The following CALHM1 variants were observed in gnomAD, a reference collection of about 807,000 sequenced individuals.
CALHM1 encodes calcium homeostasis modulator 1.
A neutral mutation model predicts 14.8 loss-of-function variants in CALHM1; 11 were observed. That is an observed-to-expected ratio of 0.74 (90% CI 0.47 to 1.23). The LOEUF (loss-of-function observed/expected upper bound fraction) is 1.23, where lower values mean the gene tolerates loss of function less well. Ranked by LOEUF, CALHM1 falls within the 50% of genes most tolerant of loss-of-function variation. CALHM1 has a pLI of 0.00. For missense variants in CALHM1, 458 were observed against 496.4 expected, an observed-to-expected ratio of 0.92 and a Z score of 0.74; for synonymous variants, 215 against 218.9, an observed-to-expected ratio of 0.98 and a Z score of 0.16.
Position 103,458,729 on chromosome 10 carries a change from A to T in CALHM1, c.23T>A (p.Ile8Asn), listed in dbSNP as rs1011687286. 2 of 1,612,528 alleles carry T rather than the reference A, an allele frequency of 1.2e-6. No individual in the cohort carries two copies. Among genetic ancestry groups the T allele is most frequent in the African/African-American group, 1.3e-5 (1 of 74,910 alleles). ...CTGGTTGGACTGCAGGAACTGGAAG[A>T]TCATCCGGAACTTGTCCATCATGCC... is the stretch of plus-strand genomic sequence containing the variant. MMDKFRM[I>N]FQFLQSNQES... Residue 8 changes from isoleucine to asparagine, a missense_variant, in exon 1 of 2, where the codon ATC becomes AAC. Ile to Asn is a moderately radical substitution (Grantham distance 149). Transcript: ENST00000329905. The surrounding 1 kb of genome is among the most constrained non-coding windows in gnomAD (Gnocchi z 4.9).
intron 1 of CALHM1, 117 bp from the exon 2 acceptor site, chr10:103,455,864 G>GC: frequency 7.6e-7 from 1 of 1,307,848 alleles, no homozygotes; most frequent in Non-Finnish European, 1.0e-6. Context: ...AATTGGGCAA[G>GC]TGAGCTTGCC....
Position 103,455,207 on chromosome 10 carries a change from G to C in CALHM1, c.*55C>G. 1 of 1,506,572 alleles carries C rather than the reference G, an allele frequency of 6.6e-7. No homozygotes were observed. The highest frequency in any genetic ancestry group is 8.9e-7 in the Non-Finnish European group (1 of 1,125,638). The allele number at this position is 1,506,572 out of a possible 1,614,324, so 93.3% of individuals were successfully genotyped here. Reference sequence around the variant, plus strand: ...CTTCCTTTTTCCACCTGGTTTGGGGGTTGGAGGGGCTGTGGGCTCAGATCC... The same window carrying C: ...CTTCCTTTTTCCACCTGGTTTGGGGCTTGGAGGGGCTGTGGGCTCAGATCC... On this transcript the variant is annotated 3_prime_UTR_variant, in exon 2 of 2. Transcript: ENST00000329905.
At position 103,453,892 on chromosome 10, in the gene CALHM1, G is replaced by A. The variant is rs1338649346; in HGVS notation, c.*1370C>T. 1.3e-5 allele frequency: 2 copies of A among 152,154 alleles called. No homozygotes were observed. The highest frequency in any genetic ancestry group is 4.8e-5 in the African/African-American group (2 of 41,408). The allele number at this position is 152,154 out of a possible 1,614,324, so 9.4% of individuals were successfully genotyped here. A position where few individuals can be genotyped will look rare whatever the true frequency, so the allele number is the denominator to read the frequency against. ...ACTCCTCCCAAATAATTAAGAGGAG[G>A]GAAACTGGACCCCAGAAGTGGGAAT... On this transcript the variant is annotated 3_prime_UTR_variant, in exon 2 of 2. Transcript: ENST00000329905.
chr10:103,455,654 T>C lies in CALHM1; in HGVS notation c.649A>G (p.Ser217Gly). ...TCGATATAGTGGGACCAGTACTTGC[T>C]CTTGAGGAAGGCGGCCTGCGTGAAG... ...PCFTQAAFLK[S>G]KYWSHYIDIE... The change falls in exon 2 of 2, where the codon AGC (serine) becomes GGC (glycine). Residue 217 changes from serine to glycine, a missense_variant. Coordinates refer to ENST00000329905, the MANE Select transcript of CALHM1 (RefSeq NM_001001412.4). 6.2e-7 allele frequency: 1 copy of C among 1,613,640 alleles called. No homozygotes were observed. Among genetic ancestry groups the C allele is most frequent in the Non-Finnish European group, 8.5e-7 (1 of 1,180,040 alleles).
Position 103,458,598 on chromosome 10 carries a change from A to G in CALHM1, c.154T>C (p.Tyr52His), listed in dbSNP as rs1317066669. 2 of 1,613,956 alleles carry G rather than the reference A, an allele frequency of 1.2e-6. No individual in the cohort carries two copies. Among genetic ancestry groups the G allele is most frequent in the Non-Finnish European group, 1.7e-6 (2 of 1,180,030 alleles). The change falls in exon 1 of 2, where the codon TAC (tyrosine) becomes CAC (histidine). Residue 52 changes from tyrosine to histidine, a missense_variant. Tyr to His is a moderately conservative substitution (Grantham distance 83). Coordinates refer to ENST00000329905, the MANE Select transcript of CALHM1 (RefSeq NM_001001412.4). The surrounding 1 kb of genome is among the most constrained non-coding windows in gnomAD (Gnocchi z 4.9). Reference protein sequence around the residue: ...CPCLPGYNAAYSAGILLAPPL... With the variant: ...CPCLPGYNAAHSAGILLAPPL... ...GGCGCCAGCAGGATGCCCGCGCTGTAGGCTGCATTGTAGCCCGGCAGGCAG... is the reference window on the plus strand; with the variant it reads ...GGCGCCAGCAGGATGCCCGCGCTGTGGGCTGCATTGTAGCCCGGCAGGCAG...
rs1423769322 is a variant in CALHM1 at position 103,455,119 on chromosome 10, A to G, written c.*143T>C. 9.6e-6 allele frequency: 12 copies of G among 1,253,274 alleles called. No homozygotes were observed. Among genetic ancestry groups the G allele is most frequent in the African/African-American group, 6.1e-5 (4 of 65,972 alleles). 77.6% of individuals were successfully genotyped at this position (1,253,274 alleles called of 1,614,324 possible). ...TCCAGCTCCAAATTTCCTGCCTCCA[A>G]TGGGCAGGCGAGTGCTAGGGAGTGT... On this transcript the variant is annotated 3_prime_UTR_variant, in exon 2 of 2. Transcript: ENST00000329905.
In CALHM1 at chr10:103,458,575, C is replaced by G; in HGVS notation, c.177G>C (p.Ala59=). ...NAAYSAGILL[A]PPLVLFLLGL... ...CAAGCAGAAAGAGCACCAGGGGTGG[C>G]GCCAGCAGGATGCCCGCGCTGTAGG... The change falls in exon 1 of 2, where the codon GCG becomes GCC. Residue 59 remains alanine (A), a synonymous_variant. Coordinates refer to ENST00000329905, the MANE Select transcript of CALHM1 (RefSeq NM_001001412.4). The surrounding 1 kb of genome is among the most constrained non-coding windows in gnomAD (Gnocchi z 4.9). The G allele has an allele frequency of 7.4e-6, 12 of 1,613,866 alleles. No individual in the cohort carries two copies. Among genetic ancestry groups the G allele is most frequent in the Non-Finnish European group, 1.0e-5 (12 of 1,180,040 alleles).
chr10:103,457,933 G>A (rs1317345633), intron 1 of CALHM1, among the ~76,000 whole-genome samples: 1 of 152,210 alleles, frequency 6.6e-6, no homozygotes, highest in Non-Finnish European at 1.5e-5. Flanking sequence ...GGGGATGCAG[G>A]TCCACTCTGG....
chr10:103,458,117 G>A lies in CALHM1; in HGVS notation c.555+80C>T. The A allele has an allele frequency of 6.6e-7, 1 of 1,505,318 alleles. No homozygotes were observed. Among genetic ancestry groups the A allele is most frequent in the Non-Finnish European group, 9.0e-7 (1 of 1,105,796 alleles). The allele number at this position is 1,505,318 out of a possible 1,614,324, so 93.2% of individuals were successfully genotyped here. On this transcript the variant is annotated intron_variant, in intron 1 of 1. Transcript: ENST00000329905. The surrounding 1 kb of genome is among the most constrained non-coding windows in gnomAD (Gnocchi z 4.9). ...TCCACCTGAGCAGAGGCCCCATTTT[G>A]AGAGGTAGGGGGATAGGGCCCTCCC...
intron 1 of CALHM1, among the ~76,000 whole-genome samples, chr10:103,456,511 A>G (rs545527276): frequency 6.6e-6 from 1 of 152,366 alleles, no homozygotes; most frequent in African/African-American, 2.4e-5. Flanking sequence ...GGCACGGGGC[A>G]GGATGCTCCC....
At chr10:103,457,519 C>T (rs2033164351) in intron 1 of CALHM1, among the ~76,000 whole-genome samples, 2 of 152,240 alleles carry the variant, frequency 1.3e-5, no homozygotes, top group African/African-American at 2.4e-5. Context: ...GCCCTGACAG[C>T]ACCTGGTCTG....
In CALHM1 at chr10:103,458,412, A is replaced by G. The variant is rs1220116119; in HGVS notation, c.340T>C (p.Trp114Arg). 3.7e-6 allele frequency: 6 copies of G among 1,609,056 alleles called. No homozygotes were observed. The highest frequency in any genetic ancestry group is 2.7e-5 in the African/African-American group (2 of 74,836). Residue 114 changes from tryptophan to arginine, a missense_variant, in exon 1 of 2, where the codon TGG becomes CGG. Trp to Arg is a moderately radical substitution (Grantham distance 101). Coordinates refer to ENST00000329905, the MANE Select transcript of CALHM1 (RefSeq NM_001001412.4). This position sits in a 1 kb window ranked among gnomAD's most constrained non-coding sequence, Gnocchi z 4.9. ...CCGTCGAGTAGCGTGACGGCCACCC[A>G]GACGACAGGCGCGATGAGGGCGCGC... Reference protein sequence around the residue: ...AQRALIAPVVWVAVTLLDGKC... With the variant: ...AQRALIAPVVRVAVTLLDGKC...
chr10:103,453,791 G>GA lies in CALHM1; in HGVS notation c.*1470dup, dbSNP rs377018886. On this transcript the variant is annotated 3_prime_UTR_variant, in exon 2 of 2. Transcript: ENST00000329905. ...TTTTTTGCTCATCCTAATCCTCCCT[G>GA]ACTTCAGGGCCCATACCAACTCCTA... The GA allele has an allele frequency of 1.1e-4, 17 of 152,114 alleles. No homozygotes were observed. Among genetic ancestry groups the GA allele is most frequent in the African/African-American group, 4.1e-4 (17 of 41,400 alleles). The allele number at this position is 152,114 out of a possible 1,614,324, so 9.4% of individuals were successfully genotyped here.
chr10:103,457,274 G>A (rs989080487), intron 1 of CALHM1, among the ~76,000 whole-genome samples: 6 of 152,236 alleles, frequency 3.9e-5, no homozygotes, highest in South Asian at 4.1e-4. Flanking sequence ...CCCTGAGGCC[G>A]GGGACGATGG....
chr10:103,455,011 C>T lies in CALHM1; in HGVS notation c.*251G>A, dbSNP rs974870801. On this transcript the variant is annotated 3_prime_UTR_variant, in exon 2 of 2. Transcript: ENST00000329905. ...CCTGTACCTGCCATGACAGTTCCGA[C>T]CCCTTTAGACTAATACTGCTCATGG... 2 of 559,832 alleles carry T rather than the reference C, an allele frequency of 3.6e-6. No individual in the cohort carries two copies. The highest frequency in any genetic ancestry group is 3.8e-5 in the African/African-American group (2 of 53,192). 34.7% of individuals were successfully genotyped at this position (559,832 alleles called of 1,614,324 possible). A position where few individuals can be genotyped will look rare whatever the true frequency, so the allele number is the denominator to read the frequency against.
rs2033134646 is a variant in CALHM1, at chr10:103,455,448, C to T, written c.855G>A (p.Glu285=). The change falls in exon 2 of 2, where the codon GAG becomes GAA. Residue 285 remains glutamate, a synonymous_variant. Transcript: ENST00000329905. ...AAPTTPDGAE[E]EREKLRGITD... ...TGATGCCACGCAGCTTCTCCCTTTC[C>T]TCCTCCGCACCATCGGGGGTCGTGG... The T allele has an allele frequency of 1.9e-6, 3 of 1,613,964 alleles. No homozygotes were observed. Among genetic ancestry groups the T allele is most frequent in the East Asian group, 2.2e-5 (1 of 44,884 alleles).
Position 103,455,314 on chromosome 10 carries a change from C to A in CALHM1, c.989G>T (p.Gly330Val), listed in dbSNP as rs114015468. The change falls in exon 2 of 2, where the codon GGT (glycine) becomes GTT (valine). Residue 330 changes from glycine to valine, a missense_variant. Gly to Val is a moderately radical substitution (Grantham distance 109). Coordinates refer to ENST00000329905, the MANE Select transcript of CALHM1 (RefSeq NM_001001412.4). ...PPLMGNGWAG[G>V]GPRPPRKEVA... ...CTCCTTACGCGGAGGCCGGGGCCCA[C>A]CCCCAGCCCAGCCGTTGCCCATCAG... 2 of 1,613,144 alleles carry A rather than the reference C, an allele frequency of 1.2e-6. No homozygotes were observed. The highest frequency in any genetic ancestry group is 8.5e-7 in the Non-Finnish European group (1 of 1,179,838).
At chr10:103,457,736 CCATG>C (rs2033167164) in intron 1 of CALHM1, among the ~76,000 whole-genome samples, 1 of 152,208 alleles carries the variant, frequency 6.6e-6, no homozygotes, top group Non-Finnish European at 1.5e-5. Flanking sequence ...TCTCTCTCAC[CCATG>C]CACCCCCTTC....
chr10:103,458,718 G>A lies in CALHM1; in HGVS notation c.34C>T (p.Leu12=). The change falls in exon 1 of 2, where the codon CTG becomes TTG. Residue 12 remains leucine, a synonymous_variant. Transcript: ENST00000329905. The surrounding 1 kb of genome is among the most constrained non-coding windows in gnomAD (Gnocchi z 4.9). ...ATGAAGGACTCCTGGTTGGACTGCA[G>A]GAACTGGAAGATCATCCGGAACTTG... The part of the protein sequence containing the change: ...MDKFRMIFQF[L]QSNQESFMNG... 1 of 1,613,466 alleles carries A rather than the reference G, an allele frequency of 6.2e-7. No individual in the cohort carries two copies. The highest frequency in any genetic ancestry group is 1.1e-5 in the South Asian group (1 of 91,050).
Sources: allele counts gnomAD v4.1 joint callset (sites outside exome capture counted in the v4.1 genomes callset), GRCh38; gene constraint gnomAD v4.1.1; non-coding constraint Gnocchi (gnomAD v3.1); transcripts MANE v1.5; gene names NCBI Gene and HGNC (gene_info 2026-07-23, HGNC 2026-07-21).